The following HECW2 variants were observed in gnomAD, a reference collection of about 807,000 sequenced individuals.
The protein encoded by HECW2 is HECT, C2 and WW domain containing E3 ubiquitin protein ligase 2.
A neutral mutation model predicts 175.2 loss-of-function variants in HECW2; 61 were observed. The ratio of observed to expected loss-of-function variants is 0.35; its 90% confidence interval spans 0.28 to 0.43. HECW2 has a LOEUF of 0.43. Among genes scored for constraint, HECW2 ranks in the 20% least tolerant of loss-of-function variants. The probability of loss-of-function intolerance (pLI) is 1.00; values close to 1 mark genes in which losing one functional copy is unlikely to be tolerated. For missense variants in HECW2, 1,524 were observed against 2,000.5 expected, an observed-to-expected ratio of 0.76 and a Z score of 4.54; for synonymous variants, 671 against 731.0, an observed-to-expected ratio of 0.92 and a Z score of 1.32.
rs1479858339 is a variant in HECW2, at chr2:196,362,816, C to T, written c.293-19052G>A. 3.9e-5 allele frequency among the ~76,000 whole-genome samples: 6 copies of T among 152,232 alleles called. 1 individual carries two copies. Among genetic ancestry groups the T allele is most frequent in the Admixed American group, 3.9e-4 (6 of 15,290 alleles). On this transcript the variant is annotated intron_variant, in intron 2 of 28. Coordinates refer to ENST00000644978, the MANE Select transcript of HECW2 (RefSeq NM_001348768.2). ...GAAAGGGGCTTTCTGAAGCTGTTAG[C>T]CCACCTGTGTCAGTGGTTGCAATTA...
At chr2:196,336,370 G>C (rs893557923) in intron 3 of HECW2, among the ~76,000 whole-genome samples, 3 of 152,216 alleles carry the variant, frequency 2.0e-5, no homozygotes, top group Admixed American at 1.3e-4. Context: ...GGTCCGAGCA[G>C]AATAAAGTGT....
chr2:196,591,923 T>C (rs1691210513), intron 1 of HECW2, among the ~76,000 whole-genome samples: 1 of 152,304 alleles, frequency 6.6e-6, no homozygotes, highest in South Asian at 2.1e-4. Flanking sequence ...ATTTTAAAGA[T>C]AACCTCTTGG....
At chr2:196,370,423 C>A (rs6434844) in intron 2 of HECW2, among the ~76,000 whole-genome samples, 1 of 152,088 alleles carries the variant, frequency 6.6e-6, no homozygotes, top group East Asian at 1.9e-4. Flanking sequence ...TTTATTCTTT[C>A]CTCTCTTCTC....
chr2:196,308,132 A>T (rs41510048), intron 10 of HECW2, 47 bp from the exon 11 acceptor site: 263,037 of 1,419,098 alleles, frequency 0.19, 25,359 homozygotes, highest in Middle Eastern at 0.23. Flanking sequence ...AGGAGCTGAG[A>T]TGATTAATAG....
chr2:196,242,335 A>C, intron 19 of HECW2, 131 bp from the exon 20 acceptor site: 1 of 1,196,022 alleles, frequency 8.4e-7, no homozygotes, highest in South Asian at 1.5e-5. Flanking sequence ...TGCATTTTTG[A>C]TTTCTGCAAG....
rs1379336464 is a variant in HECW2 at position 196,194,103 on chromosome 2, T to C, written c.*7174A>G. The C allele has an allele frequency of 6.6e-6, 1 of 152,156 alleles. No individual in the cohort carries two copies. The highest frequency in any genetic ancestry group is 1.5e-5 in the Non-Finnish European group (1 of 68,018). 9.4% of individuals were successfully genotyped at this position (152,156 alleles called of 1,614,324 possible). A position where few individuals can be genotyped will look rare whatever the true frequency, so the allele number is the denominator to read the frequency against. On this transcript the variant is annotated 3_prime_UTR_variant, in exon 29 of 29. Transcript: ENST00000644978. ...AAGAAATTATGATTTGTATTATAAT[T>C]CATTCCTTTAACATTAACAGCCCAT...
intron 26 of HECW2, chr2:196,218,218 T>C (rs1409780148): frequency 6.6e-6 from 1 of 152,234 alleles, no homozygotes; most frequent in South Asian, 2.1e-4. Flanking sequence ...CTTTTGCTAT[T>C]TGTGCCAAAC....
chr2:196,443,078 T>G (rs1165010282), intron 1 of HECW2, among the ~76,000 whole-genome samples: 2 of 152,098 alleles, frequency 1.3e-5, no homozygotes, highest in Admixed American at 6.5e-5. Flanking sequence ...CACCTAAACA[T>G]CCGTCCTTTC....
chr2:196,326,787 T>C (rs1267758066), intron 5 of HECW2, among the ~76,000 whole-genome samples: 3 of 151,918 alleles, frequency 2.0e-5, no homozygotes, highest in Non-Finnish European at 2.9e-5. Flanking sequence ...TGAAAACCAG[T>C]AGGAGAAGGA....
intron 2 of HECW2, among the ~76,000 whole-genome samples, chr2:196,346,635 T>C (rs1324269876): frequency 1.3e-5 from 2 of 152,158 alleles, no homozygotes; most frequent in African/African-American, 4.8e-5. Context: ...CCAGCTCCTG[T>C]AGGTTGGGAT....
intron 17 of HECW2, among the ~76,000 whole-genome samples, chr2:196,265,917 C>G (rs761516889): frequency 6.6e-6 from 1 of 152,120 alleles, no homozygotes; most frequent in African/African-American, 2.4e-5. Context: ...CAAACCTGAA[C>G]AAAATCTTAA....
intron 2 of HECW2, among the ~76,000 whole-genome samples, chr2:196,415,312 T>C (rs1009885643): frequency 1.3e-4 from 20 of 152,200 alleles, no homozygotes; most frequent in African/African-American, 3.6e-4. Context: ...TCCAAGCCTA[T>C]GAGATTGAAA....
At chr2:196,348,366 G>A (rs1039637796) in intron 2 of HECW2, among the ~76,000 whole-genome samples, 1 of 152,082 alleles carries the variant, frequency 6.6e-6, no homozygotes, top group Non-Finnish European at 1.5e-5. Flanking sequence ...AGTGGGCCCA[G>A]GTGCAGTGGG....
Position 196,332,318 on chromosome 2 carries a change from C to T in HECW2, c.495+2106G>A, listed in dbSNP as rs113454015. ...AAACACATGTCATATACCTAGATGA[C>T]CATCATGCTATTATAGAAACATAGT... On this transcript the variant is annotated intron_variant, in intron 4 of 28. Coordinates refer to ENST00000644978, the MANE Select transcript of HECW2 (RefSeq NM_001348768.2). 1.2e-4 allele frequency among the ~76,000 whole-genome samples: 19 copies of T among 152,242 alleles called. 2 individuals are homozygous for T. The highest frequency in any genetic ancestry group is 4.3e-4 in the African/African-American group (18 of 41,538).
At chr2:196,557,638 A>T (rs577959259) in intron 1 of HECW2, among the ~76,000 whole-genome samples, 26 of 152,326 alleles carry the variant, frequency 1.7e-4, no homozygotes, top group Non-Finnish European at 3.5e-4. Context: ...CTAACAATAG[A>T]GGAAACAAGT....
chr2:196,292,473 C>T, intron 14 of HECW2, 92 bp downstream of exon 14: 2 of 1,072,764 alleles, frequency 1.9e-6, no homozygotes, highest in African/African-American at 1.6e-5. Context: ...CACAAAGAGC[C>T]TTGGCCCTCA....
At chr2:196,207,070 G>A (rs891783691) in intron 28 of HECW2, among the ~76,000 whole-genome samples, 6 of 152,230 alleles carry the variant, frequency 3.9e-5, no homozygotes, top group African/African-American at 1.4e-4. Flanking sequence ...AGAGGGGCAA[G>A]CGCCTAAGGG....
chr2:196,250,512 A>T (rs767634944), intron 19 of HECW2, among the ~76,000 whole-genome samples: 4 of 152,224 alleles, frequency 2.6e-5, no homozygotes, highest in Non-Finnish European at 4.4e-5. Flanking sequence ...ATAGAAAAAG[A>T]GATTCAGGCT....
At chr2:196,430,850 GA>G (rs1174891521) in intron 2 of HECW2, among the ~76,000 whole-genome samples, 1 of 151,694 alleles carries the variant, frequency 6.6e-6, no homozygotes, top group Admixed American at 6.6e-5. Flanking sequence ...AGAAAAAGAA[GA>G]AAAAAATAAA....
Sources: allele counts gnomAD v4.1 joint callset (sites outside exome capture counted in the v4.1 genomes callset), GRCh38; gene constraint gnomAD v4.1.1; transcripts MANE v1.5; gene names NCBI Gene and HGNC (gene_info 2026-07-23, HGNC 2026-07-21).